The following SUGCT variants were observed in gnomAD, a reference collection of about 807,000 sequenced individuals.
SUGCT encodes the protein succinyl-CoA:glutarate-CoA transferase.
A neutral mutation model predicts 55.0 loss-of-function variants in SUGCT; 41 were observed. The observed-to-expected ratio is 0.74, with a 90% CI of 0.58 to 0.97. The LOEUF is 0.97. Ranked by LOEUF, SUGCT falls within the 50% of genes least tolerant of loss-of-function variation. The pLI is 0.00. For synonymous variants in SUGCT, 187 were observed against 200.4 expected (o/e 0.93, Z 0.56); for missense variants, 568 against 547.8 (o/e 1.04, Z -0.37).
chr7:40,304,321 A>G (rs1224619647), intron 8 of SUGCT, among the ~76,000 whole-genome samples: 1 of 152,020 alleles, frequency 6.6e-6, no homozygotes, highest in Non-Finnish European at 1.5e-5. Context: ...TGATATGCCT[A>G]GTGCTATCTC....
intron 1 of SUGCT, among the ~76,000 whole-genome samples, chr7:40,174,302 C>T (rs1784821082): frequency 6.6e-6 from 1 of 152,138 alleles, no homozygotes; most frequent in Middle Eastern, 3.2e-3. Flanking sequence ...GGATTACAGG[C>T]GTGAGCCAGC....
intron 12 of SUGCT, among the ~76,000 whole-genome samples, chr7:40,647,549 A>G (rs757000388): frequency 6.6e-6 from 1 of 152,150 alleles, no homozygotes; most frequent in African/African-American, 2.4e-5. Flanking sequence ...ACAGTGAGAC[A>G]CGTAGAAGTT....
the SUGCT span, among the ~76,000 whole-genome samples, chr7:41,022,727 TG>T: frequency 8.5e-5 from 13 of 152,136 alleles, no homozygotes; most frequent in African/African-American, 3.1e-4. Context: ...TGATTTACTG[TG>T]CTAAATATGC....
intron 6 of SUGCT, among the ~76,000 whole-genome samples, chr7:40,233,696 CTAATA>C (rs1196009088): frequency 1.3e-5 from 2 of 152,062 alleles, no homozygotes; most frequent in African/African-American, 4.8e-5. Context: ...AAAAGGTAAG[CTAATA>C]TATTATTTAT....
chr7:40,593,307 A>G (rs1797828070), intron 12 of SUGCT, among the ~76,000 whole-genome samples: 1 of 152,026 alleles, frequency 6.6e-6, no homozygotes, highest in Non-Finnish European at 1.5e-5. Flanking sequence ...AACCCACACC[A>G]TCCCACATGC....
At chr7:40,309,729 A>C (rs946129524) in intron 8 of SUGCT, among the ~76,000 whole-genome samples, 2 of 152,128 alleles carry the variant, frequency 1.3e-5, no homozygotes, top group African/African-American at 4.8e-5. Context: ...TAGGAAGATG[A>C]GCCCATAGCA....
At chr7:40,305,748 A>G (rs576592693) in intron 8 of SUGCT, among the ~76,000 whole-genome samples, 1 of 152,102 alleles carries the variant, frequency 6.6e-6, no homozygotes, top group South Asian at 2.1e-4. Flanking sequence ...TGCAGCCTCA[A>G]TATTCTAGGC....
the SUGCT span, among the ~76,000 whole-genome samples, chr7:40,906,705 C>G: frequency 2.6e-5 from 4 of 152,060 alleles, no homozygotes; most frequent in African/African-American, 9.7e-5. Context: ...ATAAAGGACT[C>G]GAACATCCTT....
At chr7:40,526,005 G>A (rs1411340048) in intron 12 of SUGCT, among the ~76,000 whole-genome samples, 1 of 152,106 alleles carries the variant, frequency 6.6e-6, no homozygotes, top group East Asian at 1.9e-4. Context: ...CCCAAGAATG[G>A]AACTAATTCA....
At chr7:40,690,780 G>C (rs1367306515) in intron 12 of SUGCT, among the ~76,000 whole-genome samples, 1 of 152,072 alleles carries the variant, frequency 6.6e-6, no homozygotes, top group Non-Finnish European at 1.5e-5. Flanking sequence ...GTTTCACCAT[G>C]TTGCCCAGTT....
chr7:40,680,705 AC>A lies in SUGCT; in HGVS notation c.1090-68728del, dbSNP rs1461526861. Among the ~76,000 whole-genome samples, 9 of 152,320 alleles carry A rather than the reference AC, an allele frequency of 5.9e-5. No individual in the cohort carries two copies. The South Asian group carries it at 1.9e-3, about 32-fold the overall frequency. Reference sequence around the variant, plus strand: ...ATTATGAAATTTATAACTGGGAATCACATATCCCCTATTCTGCATTTTCTAT... The same window carrying A: ...ATTATGAAATTTATAACTGGGAATCAATATCCCCTATTCTGCATTTTCTAT... On this transcript the variant is annotated intron_variant, in intron 12 of 13. Coordinates refer to ENST00000335693, the MANE Select transcript of SUGCT (RefSeq NM_001193313.2).
intron 13 of SUGCT, chr7:40,775,433 G>C (rs890152851): frequency 6.6e-6 from 1 of 152,220 alleles, no homozygotes; most frequent in Non-Finnish European, 1.5e-5. Context: ...ACAATGCTAA[G>C]AGGTATATCT....
chr7:40,396,229 A>AT (rs1785718880), intron 9 of SUGCT, among the ~76,000 whole-genome samples: 1 of 152,212 alleles, frequency 6.6e-6, no homozygotes, highest in Non-Finnish European at 1.5e-5. Flanking sequence ...ATGCCTTAAT[A>AT]CAACTCTGAC....
the SUGCT span, among the ~76,000 whole-genome samples, chr7:41,013,900 A>G: frequency 0.028 from 4,185 of 152,182 alleles, 199 homozygotes; most frequent in African/African-American, 0.095. Flanking sequence ...GATGATGTCA[A>G]TTTTCAATTT....
chr7:40,281,166 G>T (rs1792928181), intron 8 of SUGCT, among the ~76,000 whole-genome samples: 1 of 152,126 alleles, frequency 6.6e-6, no homozygotes, highest in African/African-American at 2.4e-5. Context: ...CTAAAGTCTT[G>T]TGGGTCTTAA....
At chr7:40,352,968 T>G (rs938750765) in intron 9 of SUGCT, among the ~76,000 whole-genome samples, 2 of 152,194 alleles carry the variant, frequency 1.3e-5, no homozygotes, top group Non-Finnish European at 2.9e-5. Flanking sequence ...TAATAGGCAT[T>G]CTGACTGGTG....
the SUGCT span, among the ~76,000 whole-genome samples, chr7:40,955,950 G>A: frequency 1.3e-5 from 2 of 152,136 alleles, no homozygotes; most frequent in Admixed American, 1.3e-4. Flanking sequence ...TGTGTATGTT[G>A]ACCAGCCTTG....
At chr7:40,360,959 C>G (rs1189713774) in intron 9 of SUGCT, among the ~76,000 whole-genome samples, 1 of 152,056 alleles carries the variant, frequency 6.6e-6, no homozygotes, top group African/African-American at 2.4e-5. Flanking sequence ...GATGAAGAGA[C>G]AGCAAACAGG....
At position 40,484,304 on chromosome 7, in the gene SUGCT, C is replaced by T. The variant is rs181494113; in HGVS notation, c.987-11980C>T. Among the ~76,000 whole-genome samples the T allele has an allele frequency of 8.7e-3, 1,330 of 152,212 alleles. 8 individuals are homozygous for T. The highest frequency in any genetic ancestry group is 0.011 in the Non-Finnish European group (735 of 68,004). On this transcript the variant is annotated intron_variant, in intron 11 of 13. Transcript: ENST00000335693. ...CAAATAGGAAGCATTTGTCTTTTCT[C>T]ACAGCATTCTTGAAAGAATCAGTTC...
Sources: gnomAD v4.1 joint callset for allele counts (sites outside exome capture counted in the v4.1 genomes callset) on GRCh38, gnomAD v4.1.1 for gene constraint, MANE v1.5 for transcripts, NCBI Gene and HGNC (gene_info 2026-07-23, HGNC 2026-07-21) for gene names.